Variants in SLC9A9 observed in about 807,000 individuals in gnomAD.
SLC9A9 encodes the protein sodium/hydrogen exchanger 9.
A neutral mutation model predicts 77.8 loss-of-function variants in SLC9A9; 62 were observed. The observed-to-expected ratio is 0.80, with a 90% CI of 0.65 to 0.98. SLC9A9 has a LOEUF of 0.98. SLC9A9 is among the 50% of genes least tolerant of loss of function. The pLI is 0.00. For synonymous variants in SLC9A9, 320 were observed against 283.5 expected (o/e 1.13, Z -1.29); for missense variants, 775 against 774.9 (o/e 1.00, Z 0.00).
chr3:143,810,769 T>C (rs932759919), intron 2 of SLC9A9, among the ~76,000 whole-genome samples: 2 of 152,226 alleles, frequency 1.3e-5, no homozygotes, highest in Non-Finnish European at 2.9e-5. Context: ...TTCAATGCTT[T>C]ATTCATTAGA....
At chr3:143,821,200 A>G (rs1451530239) in intron 2 of SLC9A9, among the ~76,000 whole-genome samples, 1 of 152,218 alleles carries the variant, frequency 6.6e-6, no homozygotes, top group Non-Finnish European at 1.5e-5. Context: ...AGCAACACCA[A>G]TCTTTCTCCA....
intron 12 of SLC9A9, 61 bp from the exon 13 acceptor site, chr3:143,382,175 T>A (rs892154783): frequency 1.3e-6 from 2 of 1,561,742 alleles, no homozygotes; most frequent in Non-Finnish European, 1.8e-6. Context: ...GACAGTCTTG[T>A]GTGTCAGATG....
At chr3:143,806,227 T>G (rs762924142) in intron 2 of SLC9A9, among the ~76,000 whole-genome samples, 8 of 152,116 alleles carry the variant, frequency 5.3e-5, no homozygotes, top group Non-Finnish European at 1.0e-4. Flanking sequence ...CTTTTATGCC[T>G]GAATTCTTAC....
chr3:143,635,108 A>C (rs956152053), intron 6 of SLC9A9, among the ~76,000 whole-genome samples: 1 of 152,168 alleles, frequency 6.6e-6, no homozygotes, highest in Non-Finnish European at 1.5e-5. Context: ...TTTCTGCTCC[A>C]CGTGGTATCA....
intron 15 of SLC9A9, among the ~76,000 whole-genome samples, chr3:143,267,506 T>C (rs1937765052): frequency 6.6e-6 from 1 of 151,966 alleles, no homozygotes; most frequent in African/African-American, 2.4e-5. Context: ...TGTGCCACCA[T>C]CACATCTGGC....
rs1214702031 is a variant in SLC9A9 at position 143,797,612 on chromosome 3, A to G, written c.379-709T>C. Among the ~76,000 whole-genome samples the G allele has an allele frequency of 3.3e-5, 5 of 152,184 alleles. No individual in the cohort carries two copies. The East Asian group carries it at 7.7e-4, about 23-fold the overall frequency. On this transcript the variant is annotated intron_variant, in intron 2 of 15. Transcript: ENST00000316549. ...GTGAAAATGGCCTGTTCCTGCCTTA[A>G]CTGATGACATTCCACCACAAAAGAA...
At chr3:143,847,483 T>C (rs1340863957) in intron 1 of SLC9A9, 1 of 152,190 alleles carries the variant, frequency 6.6e-6, no homozygotes, top group African/African-American at 2.4e-5. Context: ...CACCTTGGCC[T>C]CCAATACATA....
chr3:143,807,572 C>T (rs1031568012), intron 2 of SLC9A9, among the ~76,000 whole-genome samples: 1 of 151,992 alleles, frequency 6.6e-6, no homozygotes, highest in South Asian at 2.1e-4. Context: ...GGGTTCAAAT[C>T]CGTTTCTACT....
At chr3:143,517,980 C>G in intron 9 of SLC9A9, 1 of 1,444,890 alleles carries the variant, frequency 6.9e-7, no homozygotes, top group East Asian at 2.3e-5. Context: ...CCTTCTTTAT[C>G]AATTTCTAGA....
chr3:143,288,282 C>T (rs552234628), intron 14 of SLC9A9, among the ~76,000 whole-genome samples: 54 of 151,572 alleles, frequency 3.6e-4, no homozygotes, highest in African/African-American at 1.3e-3. Context: ...CAAAACAAAA[C>T]CAAAGAACAT....
At position 143,733,547 on chromosome 3, in the gene SLC9A9, C is replaced by A. The variant is rs539969218; in HGVS notation, c.534-40240G>T. Among the ~76,000 whole-genome samples, 108 of 152,116 alleles carry A rather than the reference C, an allele frequency of 7.1e-4. 2 individuals are homozygous for A. In the South Asian group the frequency reaches 0.022, roughly 30 times the overall value. ...CACCTCATTGAGGTCATAGGTGGGG[C>A]CTACCTTGGGAGAAGTAGAGTAGAA... On this transcript the variant is annotated intron_variant, in intron 4 of 15. Transcript: ENST00000316549.
intron 6 of SLC9A9, among the ~76,000 whole-genome samples, chr3:143,614,690 T>A (rs144405114): frequency 6.6e-6 from 1 of 152,130 alleles, no homozygotes; most frequent in Non-Finnish European, 1.5e-5. Context: ...AGTTAGGAAA[T>A]CAGAAACTTT....
At chr3:143,639,564 A>G (rs1168479869) in intron 6 of SLC9A9, among the ~76,000 whole-genome samples, 1 of 152,220 alleles carries the variant, frequency 6.6e-6, no homozygotes, top group Non-Finnish European at 1.5e-5. Flanking sequence ...AAACACTGCT[A>G]GTCTTCTTCC....
intron 12 of SLC9A9, among the ~76,000 whole-genome samples, chr3:143,396,021 C>T (rs1235809142): frequency 5.9e-5 from 9 of 152,162 alleles, no homozygotes; most frequent in Non-Finnish European, 1.2e-4. Flanking sequence ...CTAGTTCAAC[C>T]GTTGTGGAAG....
intron 4 of SLC9A9, among the ~76,000 whole-genome samples, chr3:143,776,660 T>C (rs1009461891): frequency 2.6e-5 from 4 of 152,108 alleles, no homozygotes; most frequent in African/African-American, 9.7e-5. Context: ...TTGAAATTAA[T>C]AAAATGAAAA....
intron 6 of SLC9A9, among the ~76,000 whole-genome samples, chr3:143,625,297 G>C (rs1427320370): frequency 6.6e-6 from 1 of 152,134 alleles, no homozygotes; most frequent in African/African-American, 2.4e-5. Flanking sequence ...AAAAGAGCCC[G>C]CATTGCCAAG....
At chr3:143,465,496 A>G (rs1169997415) in intron 12 of SLC9A9, among the ~76,000 whole-genome samples, 1 of 152,258 alleles carries the variant, frequency 6.6e-6, no homozygotes, top group Non-Finnish European at 1.5e-5. Flanking sequence ...AAGAAATAGT[A>G]GAAAACAAAT....
intron 6 of SLC9A9, among the ~76,000 whole-genome samples, chr3:143,580,623 A>G (rs1328436133): frequency 6.6e-6 from 1 of 152,188 alleles, no homozygotes; most frequent in African/African-American, 2.4e-5. Flanking sequence ...TATATGTAAA[A>G]ATAGGTAATT....
chr3:143,274,835 T>A (rs1432499382), intron 14 of SLC9A9, among the ~76,000 whole-genome samples: 1 of 152,230 alleles, frequency 6.6e-6, no homozygotes, highest in African/African-American at 2.4e-5. Context: ...TTTTGCCATA[T>A]CCTTGCATTC....
Sources: allele counts gnomAD v4.1 joint callset (sites outside exome capture counted in the v4.1 genomes callset), GRCh38; gene constraint gnomAD v4.1.1; transcripts MANE v1.5; gene names NCBI Gene and HGNC (gene_info 2026-07-23, HGNC 2026-07-21).